The following ARHGAP17 variants were observed in gnomAD, a reference collection of about 807,000 sequenced individuals.
ARHGAP17 encodes rho GTPase-activating protein 17.
A neutral mutation model predicts 99.5 loss-of-function variants in ARHGAP17; 57 were observed. The ratio of observed to expected loss-of-function variants is 0.57; its 90% CI spans 0.46 to 0.71. The LOEUF (loss-of-function observed/expected upper bound fraction) is 0.71, where lower values mean the gene tolerates loss of function less well. Among genes scored for constraint, ARHGAP17 ranks in the 30% least tolerant of loss-of-function variants. The pLI is 0.00. For missense variants in ARHGAP17, 1,000 were observed against 1,122.4 expected (o/e 0.89, Z 1.56); for synonymous variants, 417 against 429.6 (o/e 0.97, Z 0.36).
chr16:25,015,139 T>TTGG lies in ARHGAP17; in HGVS notation c.53+69_53+70insCCA. ...GAGCCGCCGGACCGCGGAGGAGCCGTCCCGCCCCCGCGCCCTCCGCCCTCC... is the reference window on the plus strand; with the variant it reads ...GAGCCGCCGGACCGCGGAGGAGCCGTTGGCCCGCCCCCGCGCCCTCCGCCCTCC... On this transcript the variant is annotated intron_variant, in intron 1 of 19. Coordinates refer to ENST00000289968, the MANE Select transcript of ARHGAP17 (RefSeq NM_001006634.3). 3.3e-6 allele frequency: 4 copies of TTGG among 1,195,744 alleles called. No individual in the cohort carries two copies. In the African/African-American group the frequency reaches 5.1e-5, roughly 15 times the overall value. The allele number at this position is 1,195,744 out of a possible 1,614,324, so 74.1% of individuals were successfully genotyped here.
At chr16:24,929,028 C>A (rs948988685) in intron 19 of ARHGAP17, among the ~76,000 whole-genome samples, 1 of 152,128 alleles carries the variant, frequency 6.6e-6, no homozygotes, top group Non-Finnish European at 1.5e-5. Flanking sequence ...GACACAATTT[C>A]CTCCCGTGCT....
intron 1 of ARHGAP17, among the ~76,000 whole-genome samples, chr16:24,995,527 G>A (rs1034495575): frequency 2.0e-5 from 3 of 152,190 alleles, no homozygotes; most frequent in African/African-American, 4.8e-5. Context: ...TCAGGTACAC[G>A]GGATCTGCTG....
intron 6 of ARHGAP17, among the ~76,000 whole-genome samples, chr16:24,967,757 C>T (rs912071181): frequency 8.1e-5 from 10 of 123,824 alleles, no homozygotes; most frequent in African/African-American, 1.3e-4. Context: ...CAGCCTGGTA[C>T]AGCAGAGCAA....
At position 24,919,961 on chromosome 16, in the gene ARHGAP17, G is replaced by T; in HGVS notation, c.*169C>A. The T allele has an allele frequency of 1.1e-6, 1 of 888,360 alleles. No individual in the cohort carries two copies. Among genetic ancestry groups the T allele is most frequent in the Non-Finnish European group, 1.6e-6 (1 of 606,890 alleles). The allele number at this position is 888,360 out of a possible 1,614,324, so 55.0% of individuals were successfully genotyped here. ...CACAGGTCATTCAGCTTTAGTGGTG[G>T]CCTCCAGGTTCTCCTTGGGCCGTGC... On this transcript the variant is annotated 3_prime_UTR_variant, in exon 20 of 20. Coordinates refer to ENST00000289968, the MANE Select transcript of ARHGAP17 (RefSeq NM_001006634.3).
chr16:25,006,984 C>G (rs944067042), intron 1 of ARHGAP17, among the ~76,000 whole-genome samples: 1 of 152,254 alleles, frequency 6.6e-6, no homozygotes, highest in East Asian at 1.9e-4. Flanking sequence ...GAAAGGAGAT[C>G]GAGGACATTT....
chr16:24,939,758 A>C (rs1169989197), intron 16 of ARHGAP17, 161 bp from the exon 17 acceptor site: 12 of 703,366 alleles, frequency 1.7e-5, no homozygotes, highest in Non-Finnish European at 2.7e-5. Context: ...CCCCTGAGCA[A>C]CTCCACTCGG....
intron 19 of ARHGAP17, chr16:24,929,663 AT>A (rs2050930595): frequency 1.0e-6 from 1 of 987,822 alleles, no homozygotes; most frequent in Non-Finnish European, 1.2e-6. Context: ...AAGGGCATCT[AT>A]TGGGAAACAA....
intron 4 of ARHGAP17, among the ~76,000 whole-genome samples, chr16:24,969,658 A>G (rs1431004419): frequency 3.3e-5 from 5 of 152,224 alleles, no homozygotes; most frequent in African/African-American, 9.6e-5. Flanking sequence ...AGCACGCAGT[A>G]TCACTCTGGT....
In ARHGAP17 at chr16:24,964,285, G is replaced by A. The variant is rs771387740; in HGVS notation, c.485C>T (p.Ser162Leu). 1.9e-6 allele frequency: 3 copies of A among 1,613,660 alleles called. No homozygotes were observed. Among genetic ancestry groups the A allele is most frequent in the Admixed American group, 3.3e-5 (2 of 59,910 alleles). The change falls in exon 7 of 20, where the codon TCA becomes TTA. Residue 162 changes from serine (S) to leucine (L), a missense_variant. This residue lies in a region of ARHGAP17 where 472 missense variants were observed against 611.1 expected (regional missense o/e 0.77). Coordinates refer to ENST00000289968, the MANE Select transcript of ARHGAP17 (RefSeq NM_001006634.3). ...TGGAAGCCCCTGAAAGTTGGTTCCT[G>A]AGGATTTGTGAGCTTGGTTCCACCT... Reference protein sequence around the residue: ...RARWNQAHKSSGTNFQGLPSK... With the variant: ...RARWNQAHKSLGTNFQGLPSK...
At chr16:24,987,288 T>C (rs2052900672) in intron 1 of ARHGAP17, among the ~76,000 whole-genome samples, 1 of 152,228 alleles carries the variant, frequency 6.6e-6, no homozygotes, top group African/African-American at 2.4e-5. Flanking sequence ...TGAACTACTG[T>C]TCCTCTTTTA....
chr16:24,972,793 C>T (rs2052403883), intron 3 of ARHGAP17, among the ~76,000 whole-genome samples: 1 of 151,850 alleles, frequency 6.6e-6, no homozygotes, highest in African/African-American at 2.4e-5. Context: ...GACCCCAAAG[C>T]CACAACAATC....
intron 11 of ARHGAP17, among the ~76,000 whole-genome samples, chr16:24,952,648 G>C (rs919585068): frequency 3.9e-4 from 60 of 152,148 alleles, no homozygotes; most frequent in African/African-American, 1.4e-3. Context: ...ATTTGGTGGG[G>C]GGAGACTGTG....
At position 24,977,637 on chromosome 16, in the gene ARHGAP17, C is replaced by G. The variant is rs549285470; in HGVS notation, c.94-318G>C. Among the ~76,000 whole-genome samples the G allele has an allele frequency of 1.9e-4, 29 of 152,232 alleles. 1 individual carries two copies. The South Asian group carries it at 5.2e-3, about 27-fold the overall frequency. ...CACAATGTACATCAGACAGAAGCAG[C>G]AAAATAAACGTTCCACAATTTAACT... is the stretch of plus-strand genomic sequence containing the variant. On this transcript the variant is annotated intron_variant, in intron 2 of 19. Coordinates refer to ENST00000289968, the MANE Select transcript of ARHGAP17 (RefSeq NM_001006634.3).
chr16:24,960,216 G>A (rs541042987), intron 7 of ARHGAP17, among the ~76,000 whole-genome samples: 6 of 152,258 alleles, frequency 3.9e-5, no homozygotes, highest in Non-Finnish European at 8.8e-5. Context: ...AAAGTACAGA[G>A]CATTACTTAT....
intron 6 of ARHGAP17, among the ~76,000 whole-genome samples, chr16:24,965,343 G>A (rs1414360611): frequency 3.3e-5 from 5 of 152,122 alleles, no homozygotes; most frequent in Non-Finnish European, 7.4e-5. Flanking sequence ...GGTGGCAGGC[G>A]CCTGTAGTCC....
chr16:25,013,576 C>T (rs560237407), intron 1 of ARHGAP17, among the ~76,000 whole-genome samples: 2 of 151,536 alleles, frequency 1.3e-5, no homozygotes, highest in African/African-American at 4.9e-5. Flanking sequence ...GAGACAAGAT[C>T]GCACCACTGC....
chr16:24,990,451 A>G (rs1033205352), intron 1 of ARHGAP17, among the ~76,000 whole-genome samples: 1 of 151,706 alleles, frequency 6.6e-6, no homozygotes, highest in Non-Finnish European at 1.5e-5. Context: ...GTGCCACTGC[A>G]CTCCAGTCTG....
intron 1 of ARHGAP17, among the ~76,000 whole-genome samples, chr16:24,986,533 C>T (rs910181329): frequency 6.6e-5 from 10 of 152,208 alleles, no homozygotes; most frequent in Non-Finnish European, 1.5e-4. Context: ...ATGAAATTCA[C>T]ATTTCAGTGT....
intron 19 of ARHGAP17, among the ~76,000 whole-genome samples, chr16:24,925,338 C>T (rs1044252318): frequency 6.6e-6 from 1 of 152,168 alleles, no homozygotes; most frequent in Admixed American, 6.5e-5. Context: ...AAGATTGCAC[C>T]ACTGCACTCC....
Sources: allele counts gnomAD v4.1 joint callset (sites outside exome capture counted in the v4.1 genomes callset), GRCh38; gene constraint gnomAD v4.1.1; regional missense constraint gnomAD v4.1.1; transcripts MANE v1.5; gene names NCBI Gene and HGNC (gene_info 2026-07-23, HGNC 2026-07-21).